Variants in NEGR1 observed in about 807,000 individuals in gnomAD.
NEGR1 encodes IgLON family member 4.
Under a neutral mutation model 40.9 loss-of-function variants are expected in NEGR1, and 10 were observed. That is an observed-to-expected ratio of 0.24 (90% CI 0.15 to 0.42). The LOEUF (loss-of-function observed/expected upper bound fraction) is 0.42. Ranked by LOEUF, NEGR1 falls within the 10% of genes least tolerant of loss-of-function variation. NEGR1 has a pLI of 1.00. For missense variants in NEGR1, 352 were observed against 438.9 expected (o/e 0.80, Z 1.77); for synonymous variants, 185 against 166.8 (o/e 1.11, Z -0.84).
intron 3 of NEGR1, among the ~76,000 whole-genome samples, chr1:71,731,146 AT>A (rs1654852715): frequency 6.6e-6 from 1 of 152,170 alleles, no homozygotes; most frequent in Non-Finnish European, 1.5e-5. Flanking sequence ...TATCATTCTT[AT>A]TAACAACATA....
At chr1:72,257,698 T>G (rs1013502082) in intron 1 of NEGR1, among the ~76,000 whole-genome samples, 10 of 152,286 alleles carry the variant, frequency 6.6e-5, no homozygotes, top group Admixed American at 5.9e-4. Context: ...GCGGTACACG[T>G]CTCTTTTGTG....
At chr1:71,471,503 A>G (rs368669485) in intron 6 of NEGR1, among the ~76,000 whole-genome samples, 1 of 151,944 alleles carries the variant, frequency 6.6e-6, no homozygotes, top group African/African-American at 2.4e-5. Flanking sequence ...AAAATCAGCC[A>G]GGTGTGGTAA....
At chr1:71,534,895 A>ATGTT (rs1647465981) in intron 6 of NEGR1, among the ~76,000 whole-genome samples, 4 of 151,662 alleles carry the variant, frequency 2.6e-5, no homozygotes, top group Non-Finnish European at 5.9e-5. Context: ...AAAATTTAAC[A>ATGTT]AAATTTTAAA....
Position 71,425,771 on chromosome 1 carries a change from C to T in NEGR1, c.941-18201G>A, listed in dbSNP as rs560638108. 5.9e-5 allele frequency among the ~76,000 whole-genome samples: 9 copies of T among 152,126 alleles called. 1 individual carries two copies. In the South Asian group the frequency reaches 1.9e-3, roughly 32 times the overall value. On this transcript the variant is annotated intron_variant, in intron 6 of 6. Coordinates refer to ENST00000357731, the MANE Select transcript of NEGR1 (RefSeq NM_173808.3). The stretch of plus-strand genomic sequence containing the variant: ...GGTCAAATAATAAATACAGATGATA[C>T]AGAAAATAGGAACCATGGCAAATTT...
At chr1:71,576,037 G>C (rs148398725) in intron 6 of NEGR1, among the ~76,000 whole-genome samples, 1 of 152,250 alleles carries the variant, frequency 6.6e-6, no homozygotes, top group Non-Finnish European at 1.5e-5. Flanking sequence ...GTGCTTTCTT[G>C]ATATGTAGTC....
intron 1 of NEGR1, among the ~76,000 whole-genome samples, chr1:72,243,334 T>G (rs1654807561): frequency 6.6e-6 from 1 of 151,794 alleles, no homozygotes. Flanking sequence ...AATTTCCTCT[T>G]CTGTATAAAT....
In NEGR1 at chr1:72,008,383, C is replaced by G. The variant is rs1646627683; in HGVS notation, c.177-73072G>C. On this transcript the variant is annotated intron_variant, in intron 1 of 6. Transcript: ENST00000357731. Reference sequence around the variant, plus strand: ...AATGTACTTATTTTTCTCTTGTGACCTACTAGTACACATCATTACATTTTT... The same window carrying G: ...AATGTACTTATTTTTCTCTTGTGACGTACTAGTACACATCATTACATTTTT... Among the ~76,000 whole-genome samples the G allele has an allele frequency of 2.6e-5, 4 of 152,110 alleles. 1 individual carries two copies. The South Asian group carries it at 8.3e-4, about 32-fold the overall frequency.
intron 2 of NEGR1, among the ~76,000 whole-genome samples, chr1:71,928,728 G>T (rs1159203062): frequency 1.3e-5 from 2 of 151,842 alleles, no homozygotes; most frequent in African/African-American, 4.8e-5. Context: ...ATAGAAAAAT[G>T]CAATGCAATG....
rs534339499 is a variant in NEGR1 at position 71,682,375 on chromosome 1, A to T, written c.667+15633T>A. On this transcript the variant is annotated intron_variant, in intron 4 of 6. Transcript: ENST00000357731. ...ATTCTTCTACAAAAAGTTTTTGTAA[A>T]GTTTATTTTTCTTGTCTGTTGTTTT... 7.2e-5 allele frequency among the ~76,000 whole-genome samples: 11 copies of T among 152,138 alleles called. No individual in the cohort carries two copies. The South Asian group carries it at 1.9e-3, about 26-fold the overall frequency.
intron 2 of NEGR1, among the ~76,000 whole-genome samples, chr1:71,808,570 A>G (rs189708055): frequency 1.3e-5 from 2 of 152,258 alleles, no homozygotes; most frequent in Admixed American, 1.3e-4. Flanking sequence ...AAGAGCCTTT[A>G]TTATACTTTT....
chr1:71,780,398 C>T (rs1022818664), intron 2 of NEGR1, among the ~76,000 whole-genome samples: 1 of 152,056 alleles, frequency 6.6e-6, no homozygotes, highest in Non-Finnish European at 1.5e-5. Flanking sequence ...CATAAAAAGA[C>T]AATGAAAAGG....
intron 6 of NEGR1, among the ~76,000 whole-genome samples, chr1:71,559,105 A>G (rs1239446764): frequency 6.7e-6 from 1 of 149,074 alleles, no homozygotes; most frequent in Non-Finnish European, 1.5e-5. Context: ...CTTCATATTC[A>G]TATCTCCAAC....
chr1:71,897,731 T>A (rs147851046), intron 2 of NEGR1, among the ~76,000 whole-genome samples: 241 of 151,032 alleles, frequency 1.6e-3, no homozygotes, highest in African/African-American at 5.8e-3. Flanking sequence ...AATTTAAGGG[T>A]TTTTTTTGTT....
intron 1 of NEGR1, among the ~76,000 whole-genome samples, chr1:72,168,412 T>A (rs1313930453): frequency 6.6e-6 from 1 of 152,090 alleles, no homozygotes; most frequent in Non-Finnish European, 1.5e-5. Flanking sequence ...CTCTTTTGCC[T>A]AAACCCACAC....
chr1:71,953,731 G>A (rs1646093392), intron 1 of NEGR1, among the ~76,000 whole-genome samples: 1 of 151,912 alleles, frequency 6.6e-6, no homozygotes, highest in African/African-American at 2.4e-5. Context: ...ACTCTGACCA[G>A]TCAGTAAGCC....
intron 6 of NEGR1, among the ~76,000 whole-genome samples, chr1:71,418,831 G>A (rs944859210): frequency 6.6e-6 from 1 of 151,712 alleles, no homozygotes; most frequent in Non-Finnish European, 1.5e-5. Flanking sequence ...TTTTCCTCTT[G>A]TTTCTTCTTC....
chr1:71,750,063 G>A (rs1336326671), intron 3 of NEGR1, among the ~76,000 whole-genome samples: 2 of 148,432 alleles, frequency 1.3e-5, no homozygotes, highest in South Asian at 2.1e-4. Flanking sequence ...GCGCAATCTC[G>A]GCTCACTGCA....
At chr1:71,989,101 A>C (rs1361129185) in intron 1 of NEGR1, among the ~76,000 whole-genome samples, 1 of 152,088 alleles carries the variant, frequency 6.6e-6, no homozygotes, top group Non-Finnish European at 1.5e-5. Flanking sequence ...GCAAAAACTA[A>C]ATGCCTCCGG....
intron 1 of NEGR1, among the ~76,000 whole-genome samples, chr1:72,277,373 G>A (rs749768271): frequency 6.6e-6 from 1 of 152,086 alleles, no homozygotes; most frequent in African/African-American, 2.4e-5. Context: ...CTTATTCCAC[G>A]GAGTGATTTA....
Sources: gnomAD v4.1 joint callset for allele counts (sites outside exome capture counted in the v4.1 genomes callset) on GRCh38, gnomAD v4.1.1 for gene constraint, MANE v1.5 for transcripts, NCBI Gene and HGNC (gene_info 2026-07-23, HGNC 2026-07-21) for gene names.